KCNJ3: variants seen among roughly 807,000 people sequenced by gnomAD.
KCNJ3 encodes the protein potassium inwardly rectifying channel subfamily J member 3.
In KCNJ3, 4 loss-of-function variants were observed where a neutral mutation model predicts 39.2. The ratio of observed to expected loss-of-function variants is 0.10; its 90% CI spans 0.05 to 0.23. The LOEUF (loss-of-function observed/expected upper bound fraction) is 0.23. Among genes scored for constraint, KCNJ3 ranks in the 10% least tolerant of loss-of-function variants. The pLI is 1.00. For synonymous variants in KCNJ3, 230 were observed against 237.4 expected (o/e 0.97, Z 0.29); for missense variants, 276 against 634.9 (o/e 0.43, Z 6.08).
At chr2:154,846,291 A>C (rs1282392669) in intron 2 of KCNJ3, among the ~76,000 whole-genome samples, 1 of 152,192 alleles carries the variant, frequency 6.6e-6, no homozygotes, top group Non-Finnish European at 1.5e-5. Flanking sequence ...CTATGCATTG[A>C]TCTGTTTCTG....
chr2:154,855,924 AT>A lies in KCNJ3; in HGVS notation c.*616del, dbSNP rs1412424240. 6.6e-6 allele frequency: 1 copy of A among 152,296 alleles called. No homozygotes were observed. Among genetic ancestry groups the A allele is most frequent in the Non-Finnish European group, 1.5e-5 (1 of 67,872 alleles). 9.4% of individuals were successfully genotyped at this position (152,296 alleles called of 1,614,324 possible). A position where few individuals can be genotyped will look rare whatever the true frequency, so the allele number is the denominator to read the frequency against. On this transcript the variant is annotated 3_prime_UTR_variant, in exon 3 of 3. Coordinates refer to ENST00000295101, the MANE Select transcript of KCNJ3 (RefSeq NM_002239.4). ...TTAATACCAAATATTTTAGCCTTAA[AT>A]TTTTGTCATTTTAAAATCTGATTTA...
chr2:154,842,478 C>T (rs2937613), intron 2 of KCNJ3, among the ~76,000 whole-genome samples: 30,525 of 152,026 alleles, frequency 0.2, 3,365 homozygotes, highest in East Asian at 0.4. Context: ...GAGCTGAGTT[C>T]AGGTCCTGGA....
intron 2 of KCNJ3, among the ~76,000 whole-genome samples, chr2:154,737,403 A>G (rs145913523): frequency 6.6e-6 from 1 of 152,334 alleles, no homozygotes; most frequent in African/African-American, 2.4e-5. Context: ...GTACCTAACA[A>G]TGTAAAGTTC....
intron 2 of KCNJ3, among the ~76,000 whole-genome samples, chr2:154,769,885 T>C (rs1008476137): frequency 2.0e-5 from 3 of 152,130 alleles, no homozygotes; most frequent in African/African-American, 7.2e-5. Context: ...AAGGAAAGCT[T>C]TATGAATCCC....
At position 154,856,534 on chromosome 2, in the gene KCNJ3, C is replaced by T. The variant is rs1687841946; in HGVS notation, c.*1221C>T. ...TTTGTTGTAACAGGATAGACTTTTT[C>T]CTCACCTAGGAAACCTATCCCATGC... On this transcript the variant is annotated 3_prime_UTR_variant, in exon 3 of 3. Coordinates refer to ENST00000295101, the MANE Select transcript of KCNJ3 (RefSeq NM_002239.4). The T allele has an allele frequency of 6.6e-6, 1 of 151,976 alleles. No homozygotes were observed. The highest frequency in any genetic ancestry group is 1.5e-5 in the Non-Finnish European group (1 of 67,972). 9.4% of individuals were successfully genotyped at this position (151,976 alleles called of 1,614,324 possible).
At chr2:154,766,197 G>A (rs1336470283) in intron 2 of KCNJ3, among the ~76,000 whole-genome samples, 2 of 152,108 alleles carry the variant, frequency 1.3e-5, no homozygotes, top group Non-Finnish European at 2.9e-5. Context: ...ACGGTAAGGG[G>A]GTGATGAAGT....
intron 2 of KCNJ3, among the ~76,000 whole-genome samples, chr2:154,799,276 G>T (rs994258309): frequency 2.0e-5 from 3 of 152,030 alleles, no homozygotes; most frequent in African/African-American, 7.3e-5. Flanking sequence ...GATAGCTGGG[G>T]TTATAGGTGT....
chr2:154,854,391 G>A (rs758657110), intron 2 of KCNJ3, among the ~76,000 whole-genome samples: 2 of 152,078 alleles, frequency 1.3e-5, no homozygotes, highest in Non-Finnish European at 2.9e-5. Context: ...ATGAAAAATT[G>A]TTACATAATT....
intron 2 of KCNJ3, among the ~76,000 whole-genome samples, chr2:154,830,717 T>C (rs1451065778): frequency 6.6e-6 from 1 of 152,090 alleles, no homozygotes; most frequent in Non-Finnish European, 1.5e-5. Flanking sequence ...TTGGAAGTAA[T>C]TGTTCTTAGT....
intron 2 of KCNJ3, among the ~76,000 whole-genome samples, chr2:154,738,596 A>G (rs1434009992): frequency 1.3e-5 from 2 of 152,090 alleles, no homozygotes; most frequent in African/African-American, 2.4e-5. Context: ...AATAAAAATT[A>G]AAAATTAAAT....
chr2:154,758,374 C>G (rs1285109354), intron 2 of KCNJ3, among the ~76,000 whole-genome samples: 6 of 152,130 alleles, frequency 3.9e-5, no homozygotes, highest in Non-Finnish European at 4.4e-5. Context: ...ATGAGGACCT[C>G]CCTCAGGTAC....
intron 2 of KCNJ3, among the ~76,000 whole-genome samples, chr2:154,839,400 T>C (rs774064456): frequency 6.6e-6 from 1 of 152,164 alleles, no homozygotes; most frequent in Non-Finnish European, 1.5e-5. Flanking sequence ...AACATATGTG[T>C]GTGTGTGTCT....
intron 2 of KCNJ3, among the ~76,000 whole-genome samples, chr2:154,737,853 T>G (rs181394623): frequency 1.3e-5 from 2 of 152,076 alleles, no homozygotes; most frequent in Admixed American, 1.3e-4. Context: ...GAAGAAACAG[T>G]GGCCACAAAT....
At chr2:154,726,765 C>A (rs7561284) in intron 2 of KCNJ3, among the ~76,000 whole-genome samples, 1 of 71,112 alleles carries the variant, frequency 1.4e-5, no homozygotes, top group South Asian at 4.4e-4. Flanking sequence ...TATATATATA[C>A]ACACACACAC....
intron 2 of KCNJ3, among the ~76,000 whole-genome samples, chr2:154,803,001 G>A (rs1391912629): frequency 1.3e-5 from 2 of 151,994 alleles, no homozygotes; most frequent in African/African-American, 4.8e-5. Context: ...ATAATGTAAT[G>A]TAATTCCACT....
intron 2 of KCNJ3, among the ~76,000 whole-genome samples, chr2:154,774,947 C>G (rs1332999162): frequency 6.6e-6 from 1 of 152,048 alleles, no homozygotes; most frequent in African/African-American, 2.4e-5. Context: ...CAGGGTCTCA[C>G]TCTGTTGCCC....
chr2:154,816,964 A>T (rs761843777), intron 2 of KCNJ3, among the ~76,000 whole-genome samples: 5 of 152,158 alleles, frequency 3.3e-5, no homozygotes, highest in Non-Finnish European at 5.9e-5. Context: ...GTAATTTTAA[A>T]TAGTTTATGA....
chr2:154,852,709 CTA>C (rs201350075), intron 2 of KCNJ3, among the ~76,000 whole-genome samples: 1,688 of 151,990 alleles, frequency 0.011, 38 homozygotes, highest in African/African-American at 0.037. Flanking sequence ...AAGTGATAAT[CTA>C]TGATTTTTCT....
At chr2:154,716,354 TG>T (rs1166530195) in intron 2 of KCNJ3, among the ~76,000 whole-genome samples, 1 of 148,720 alleles carries the variant, frequency 6.7e-6, no homozygotes, top group African/African-American at 2.5e-5. Flanking sequence ...CTTGATCTCC[TG>T]ACCTCATGAT....
Sources: allele counts gnomAD v4.1 joint callset (sites outside exome capture counted in the v4.1 genomes callset), GRCh38; gene constraint gnomAD v4.1.1; transcripts MANE v1.5; gene names NCBI Gene and HGNC (gene_info 2026-07-23, HGNC 2026-07-21).